Variants in MRPS27 observed in about 807,000 individuals in gnomAD.
MRPS27 encodes the protein mitochondrial ribosomal protein S27, also known as small ribosomal subunit protein mS27.
In MRPS27, 43 loss-of-function variants were observed where a neutral mutation model predicts 48.9. The ratio of observed to expected loss-of-function variants is 0.88; its 90% confidence interval spans 0.69 to 1.13. MRPS27 has a LOEUF of 1.13. MRPS27 is among the 50% of genes most tolerant of loss of function. The pLI is 0.00. For missense variants in MRPS27, 467 were observed against 476.3 expected (o/e 0.98, Z 0.18); for synonymous variants, 188 against 171.9 (o/e 1.09, Z -0.73).
chr5:72,308,908 G>C (rs1750359174), intron 2 of MRPS27, among the ~76,000 whole-genome samples: 1 of 152,278 alleles, frequency 6.6e-6, no homozygotes, highest in Middle Eastern at 3.4e-3. Flanking sequence ...TATTTCTGAA[G>C]CACCTGCATG....
intron 2 of MRPS27, chr5:72,307,979 A>G (rs1750321002): frequency 1.3e-5 from 2 of 152,318 alleles, no homozygotes; most frequent in Non-Finnish European, 2.9e-5. Flanking sequence ...CGGAAAGGAA[A>G]GTGAGGCTCT....
intron 2 of MRPS27, among the ~76,000 whole-genome samples, chr5:72,303,332 T>C (rs563926395): frequency 7.2e-5 from 11 of 152,228 alleles, no homozygotes; most frequent in African/African-American, 2.2e-4. Context: ...AATGAATAAG[T>C]TAAAAAGCAG....
intron 4 of MRPS27, among the ~76,000 whole-genome samples, chr5:72,267,936 G>C (rs991756405): frequency 6.6e-6 from 1 of 152,026 alleles, no homozygotes; most frequent in East Asian, 1.9e-4. Flanking sequence ...TCTGCAAGTA[G>C]AGCCCAAACA....
At chr5:72,284,266 A>T (rs1237300724) in intron 4 of MRPS27, among the ~76,000 whole-genome samples, 1 of 149,032 alleles carries the variant, frequency 6.7e-6, no homozygotes, top group East Asian at 2.0e-4. Context: ...AAAAAAAAAC[A>T]CCACCAAAAA....
chr5:72,221,269 G>T, intron 10 of MRPS27, 121 bp from the exon 11 acceptor site: 1 of 1,248,902 alleles, frequency 8.0e-7, no homozygotes, highest in Non-Finnish European at 1.1e-6. Context: ...CTGACTCGTA[G>T]TTTAGTCCTC....
chr5:72,272,874 G>A (rs980393058), intron 4 of MRPS27, among the ~76,000 whole-genome samples: 3 of 152,176 alleles, frequency 2.0e-5, no homozygotes, highest in Non-Finnish European at 2.9e-5. Context: ...ATGAAACAAA[G>A]ATGGGCTAAG....
At chr5:72,291,453 CAT>C (rs1163179125) in intron 4 of MRPS27, among the ~76,000 whole-genome samples, 2 of 152,128 alleles carry the variant, frequency 1.3e-5, no homozygotes, top group East Asian at 3.9e-4. Context: ...GATATGGTAA[CAT>C]ATGTGCTGCT....
intron 7 of MRPS27, among the ~76,000 whole-genome samples, chr5:72,232,153 C>T (rs984920009): frequency 2.0e-5 from 3 of 152,146 alleles, no homozygotes; most frequent in Admixed American, 1.3e-4. Context: ...CTTTGACATG[C>T]CATGTCCAGC....
intron 2 of MRPS27, among the ~76,000 whole-genome samples, chr5:72,306,535 A>G (rs931517489): frequency 6.6e-6 from 1 of 152,378 alleles, no homozygotes; most frequent in Non-Finnish European, 1.5e-5. Flanking sequence ...ACTCCAAAAA[A>G]GACCTGTTTT....
intron 4 of MRPS27, chr5:72,241,533 T>C (rs1283782013): frequency 9.4e-7 from 1 of 1,058,678 alleles, no homozygotes; most frequent in East Asian, 2.6e-5. Flanking sequence ...ATGGCAAGTT[T>C]GAGAAGAATT....
chr5:72,229,965 A>G (rs1283027691), intron 7 of MRPS27, among the ~76,000 whole-genome samples: 1 of 152,166 alleles, frequency 6.6e-6, no homozygotes, highest in Non-Finnish European at 1.5e-5. Flanking sequence ...AGCTCACTGT[A>G]ACCTCAAACT....
chr5:72,302,202 C>T (rs1750144485), intron 2 of MRPS27, among the ~76,000 whole-genome samples: 1 of 152,188 alleles, frequency 6.6e-6, no homozygotes, highest in African/African-American at 2.4e-5. Flanking sequence ...ATACTATTAA[C>T]GATCTCAGAA....
intron 4 of MRPS27, chr5:72,241,674 G>GAGCA (rs1748354522): frequency 3.3e-6 from 5 of 1,535,386 alleles, no homozygotes; most frequent in Non-Finnish European, 4.4e-6. Flanking sequence ...ATTGCTGGAT[G>GAGCA]AGCATTCTCC....
intron 4 of MRPS27, among the ~76,000 whole-genome samples, chr5:72,257,638 A>G (rs1340952309): frequency 6.6e-6 from 1 of 152,222 alleles, no homozygotes; most frequent in Admixed American, 6.5e-5. Context: ...CAAATGTACT[A>G]GTATTTTACT....
At chr5:72,290,735 G>A (rs1749795645) in intron 4 of MRPS27, among the ~76,000 whole-genome samples, 1 of 152,110 alleles carries the variant, frequency 6.6e-6, no homozygotes, top group African/African-American at 2.4e-5. Context: ...TTAATCCTTT[G>A]CCCAGAAAAA....
At chr5:72,228,111 C>T in intron 8 of MRPS27, 155 bp downstream of exon 8, 2 of 668,152 alleles carry the variant, frequency 3.0e-6, no homozygotes, top group Non-Finnish European at 5.2e-6. Context: ...TATGGAGTAA[C>T]TGTAAGGCCA....
chr5:72,220,867 A>G lies in MRPS27; in HGVS notation c.*42T>C. ...ACTGCTGAGTCCTGGCACGGGGTTGAGTGAAGTTCTTGTGAGACAGGTGGG... is the reference window on the plus strand; with the variant it reads ...ACTGCTGAGTCCTGGCACGGGGTTGGGTGAAGTTCTTGTGAGACAGGTGGG... On this transcript the variant is annotated 3_prime_UTR_variant, in exon 11 of 11. Coordinates refer to ENST00000261413, the MANE Select transcript of MRPS27 (RefSeq NM_015084.3). 6.2e-7 allele frequency: 1 copy of G among 1,610,436 alleles called. No individual in the cohort carries two copies. The highest frequency in any genetic ancestry group is 8.5e-7 in the Non-Finnish European group (1 of 1,178,336).
intron 4 of MRPS27, among the ~76,000 whole-genome samples, chr5:72,273,926 G>A (rs1232477636): frequency 6.6e-6 from 1 of 152,132 alleles, no homozygotes; most frequent in Non-Finnish European, 1.5e-5. Context: ...TGACTTTTCT[G>A]TAGTAACACT....
chr5:72,316,985 C>T (rs766649744), intron 1 of MRPS27, among the ~76,000 whole-genome samples: 3 of 150,450 alleles, frequency 2.0e-5, no homozygotes, highest in East Asian at 4.0e-4. Context: ...GCCGAGATCA[C>T]GCCATTGCAT....
Sources: allele counts gnomAD v4.1 joint callset (sites outside exome capture counted in the v4.1 genomes callset), GRCh38; gene constraint gnomAD v4.1.1; transcripts MANE v1.5; gene names NCBI Gene and HGNC (gene_info 2026-07-23, HGNC 2026-07-21).